TXLNB: variants seen among roughly 807,000 people sequenced by gnomAD.
TXLNB encodes the protein beta-taxilin.
TXLNB carries 37 observed loss-of-function variants against 57.4 expected under a neutral mutation model. The observed-to-expected ratio is 0.64, with a 90% CI of 0.50 to 0.85. The LOEUF (loss-of-function observed/expected upper bound fraction) is 0.85. TXLNB is among the 40% of genes least tolerant of loss of function. The pLI is 0.00. For synonymous variants in TXLNB, 302 were observed against 309.6 expected (o/e 0.98, Z 0.26); for missense variants, 848 against 825.6 (o/e 1.03, Z -0.33).
At chr6:139,244,008 T>C (rs1331288871) in intron 9 of TXLNB, among the ~76,000 whole-genome samples, 2 of 152,136 alleles carry the variant, frequency 1.3e-5, no homozygotes, top group Non-Finnish European at 2.9e-5. Flanking sequence ...CCACTCGTTA[T>C]ACATGGAGAG....
At chr6:139,223,888 C>A in the TXLNB span, among the ~76,000 whole-genome samples, 1 of 151,188 alleles carries the variant, frequency 6.6e-6, no homozygotes, top group African/African-American at 2.4e-5. Context: ...GTCAGTGTGG[C>A]GATTCCTCAG....
chr6:139,173,563 G>C, the TXLNB span, among the ~76,000 whole-genome samples: 3 of 152,162 alleles, frequency 2.0e-5, no homozygotes, highest in Non-Finnish European at 1.5e-5. Flanking sequence ...GTGTTCTCCT[G>C]ATGGTAGTTT....
Position 139,246,128 on chromosome 6 carries a change from T to A in TXLNB, c.1171-1438A>T, listed in dbSNP as rs117964636. 1.5e-3 allele frequency among the ~76,000 whole-genome samples: 230 copies of A among 152,338 alleles called. 3 individuals carry two copies. The East Asian group carries it at 0.027, about 18-fold the overall frequency. On this transcript the variant is annotated intron_variant, in intron 8 of 9. Coordinates refer to ENST00000358430, the MANE Select transcript of TXLNB (RefSeq NM_153235.4). ...TCTAGAGAGTTCTCAGGTCAACTAC[T>A]AACGTCCATAAATGGACCCAAGATT...
chr6:139,212,313 G>T, the TXLNB span, among the ~76,000 whole-genome samples: 1 of 152,080 alleles, frequency 6.6e-6, no homozygotes, highest in Non-Finnish European at 1.5e-5. Flanking sequence ...AAGAGAGTGG[G>T]GGCCAATATT....
intron 1 of TXLNB, among the ~76,000 whole-genome samples, chr6:139,291,163 T>C (rs1008534634): frequency 6.6e-6 from 1 of 152,222 alleles, no homozygotes; most frequent in Admixed American, 6.5e-5. Context: ...GCACCTGCTG[T>C]CCAGCCAGAA....
At chr6:139,167,281 G>T in the TXLNB span, 3 of 1,609,248 alleles carry the variant, frequency 1.9e-6, no homozygotes, top group Non-Finnish European at 2.6e-6. Flanking sequence ...TAAGCCCGTC[G>T]AGACATGATG....
At chr6:139,204,873 T>C in the TXLNB span, among the ~76,000 whole-genome samples, 1 of 152,216 alleles carries the variant, frequency 6.6e-6, no homozygotes, top group African/African-American at 2.4e-5. Flanking sequence ...CTCTACTGTA[T>C]ACCAGAGTCA....
the TXLNB span, among the ~76,000 whole-genome samples, chr6:139,223,638 C>G: frequency 4.0e-5 from 6 of 151,608 alleles, no homozygotes; most frequent in African/African-American, 1.5e-4. Context: ...GGGCAAAGGA[C>G]ATGAACAGAC....
At chr6:139,257,243 T>G (rs10499209) in intron 6 of TXLNB, among the ~76,000 whole-genome samples, 1 of 152,176 alleles carries the variant, frequency 6.6e-6, no homozygotes, top group African/African-American at 2.4e-5. Context: ...AAAATACTTA[T>G]GAAGCAGCTT....
chr6:139,226,059 G>A, the TXLNB span, among the ~76,000 whole-genome samples: 1 of 152,042 alleles, frequency 6.6e-6, no homozygotes, highest in Non-Finnish European at 1.5e-5. Context: ...AGCACTTTGG[G>A]AGGCTGAGGC....
chr6:139,229,127 G>A, the TXLNB span, among the ~76,000 whole-genome samples: 5 of 152,106 alleles, frequency 3.3e-5, no homozygotes, highest in Non-Finnish European at 5.9e-5. Flanking sequence ...GCACATTAGG[G>A]AAAGATAATC....
chr6:139,276,742 C>A (rs770681356), intron 3 of TXLNB, 88 bp downstream of exon 3: 2 of 954,892 alleles, frequency 2.1e-6, no homozygotes, highest in Admixed American at 2.4e-5. Flanking sequence ...AATTCATTCT[C>A]GGATTGGCAG....
chr6:139,209,245 A>C, the TXLNB span, among the ~76,000 whole-genome samples: 1 of 152,216 alleles, frequency 6.6e-6, no homozygotes, highest in Non-Finnish European at 1.5e-5. Context: ...CTAATCAAGG[A>C]GGTGAAAGAT....
At chr6:139,167,038 G>T in the TXLNB span, 2 of 1,614,210 alleles carry the variant, frequency 1.2e-6, no homozygotes, top group Non-Finnish European at 1.7e-6. Flanking sequence ...CCCCCGTGCA[G>T]TTCCTTCGGC....
At chr6:139,169,809 C>T in the TXLNB span, 3 of 152,224 alleles carry the variant, frequency 2.0e-5, no homozygotes, top group Non-Finnish European at 4.4e-5. Flanking sequence ...AACTGAGTAA[C>T]ATCACTCCTG....
chr6:139,187,155 T>C, the TXLNB span, among the ~76,000 whole-genome samples: 3 of 151,988 alleles, frequency 2.0e-5, no homozygotes, highest in Admixed American at 6.6e-5. Context: ...TACCCTCTTC[T>C]CCCCCCTGCA....
chr6:139,268,549 T>C (rs1245551182), intron 4 of TXLNB, among the ~76,000 whole-genome samples: 1 of 152,170 alleles, frequency 6.6e-6, no homozygotes, highest in Non-Finnish European at 1.5e-5. Context: ...GAAAGAAAAT[T>C]TGAAAATATT....
Position 139,271,048 on chromosome 6 carries a change from C to G in TXLNB, c.517-422G>C, listed in dbSNP as rs1230459415. Among the ~76,000 whole-genome samples the G allele has an allele frequency of 2.0e-5, 3 of 152,098 alleles. No individual in the cohort carries two copies. In the East Asian group the frequency reaches 5.8e-4, roughly 29 times the overall value. Reference sequence around the variant, plus strand: ...TTGCATTGAGTTTTCCTAATTCTTCCTTGAAACAAGCTTCTAGCGCTATTT... The same window carrying G: ...TTGCATTGAGTTTTCCTAATTCTTCGTTGAAACAAGCTTCTAGCGCTATTT... On this transcript the variant is annotated intron_variant, in intron 3 of 9. Transcript: ENST00000358430.
chr6:139,257,853 C>T (rs1776384014), intron 6 of TXLNB, among the ~76,000 whole-genome samples: 2 of 152,170 alleles, frequency 1.3e-5, no homozygotes, highest in Admixed American at 6.5e-5. Context: ...CATGACCCAG[C>T]CTCTCCATTT....
Sources: allele counts gnomAD v4.1 joint callset (sites outside exome capture counted in the v4.1 genomes callset), GRCh38; gene constraint gnomAD v4.1.1; transcripts MANE v1.5; gene names NCBI Gene and HGNC (gene_info 2026-07-23, HGNC 2026-07-21).